The following IFT52 variants were observed in gnomAD, a reference collection of about 807,000 sequenced individuals.
The protein encoded by IFT52 is intraflagellar transport protein 52 homolog.
In IFT52, 44 loss-of-function variants were observed where a neutral mutation model predicts 54.4. The observed-to-expected ratio is 0.81, with a 90% CI of 0.63 to 1.04. The LOEUF is 1.04. IFT52 is among the 50% of genes least tolerant of loss of function. IFT52 has a pLI of 0.00. For synonymous variants in IFT52, 181 were observed against 185.3 expected, an observed-to-expected ratio of 0.98 and a Z score of 0.19; for missense variants, 452 against 523.6, an observed-to-expected ratio of 0.86 and a Z score of 1.33.
chr20:43,623,774 T>C lies in IFT52; in HGVS notation c.769-117T>C. On this transcript the variant is annotated intron_variant, in intron 9 of 13. Coordinates refer to ENST00000373030, the MANE Select transcript of IFT52 (RefSeq NM_016004.5). ...GTTTAGTGTCAGTGATCATGAACAG[T>C]AAAATTTCTTGGCAAGAGAATATAA... The C allele has an allele frequency of 2.5e-6, 3 of 1,184,646 alleles. No homozygotes were observed. In the South Asian group the frequency reaches 4.5e-5, roughly 18 times the overall value. 73.4% of individuals were successfully genotyped at this position (1,184,646 alleles called of 1,614,324 possible). A position where few individuals can be genotyped will look rare whatever the true frequency, so the allele number is the denominator to read the frequency against.
chr20:43,613,808 C>T (rs761369330), intron 6 of IFT52, 42 bp from the exon 7 acceptor site: 61 of 1,578,338 alleles, frequency 3.9e-5, no homozygotes, highest in Non-Finnish European at 5.2e-5. Flanking sequence ...TTTTTGTATT[C>T]ATGTTTTTAA....
chr20:43,623,518 A>G (rs1036714628), intron 9 of IFT52, among the ~76,000 whole-genome samples: 3 of 152,180 alleles, frequency 2.0e-5, no homozygotes, highest in Admixed American at 2.0e-4. Context: ...ACAAAAGGGA[A>G]TTATTGTCTA....
chr20:43,602,751 C>G (rs1159316026), intron 3 of IFT52, among the ~76,000 whole-genome samples: 1 of 152,114 alleles, frequency 6.6e-6, no homozygotes, highest in Admixed American at 6.6e-5. Flanking sequence ...CTCAAGTGAT[C>G]CGCCTACCTT....
rs762328621 is a variant in IFT52 at position 43,596,390 on chromosome 20, T to C, written c.120-45T>C. ...GAGACTAAAATAATACATAAATTGG[T>C]TTAAATTATGGACTTCATATTTGCT... On this transcript the variant is annotated intron_variant, in intron 2 of 13. Coordinates refer to ENST00000373030, the MANE Select transcript of IFT52 (RefSeq NM_016004.5). The C allele has an allele frequency of 4.7e-6, 6 of 1,265,832 alleles. No individual in the cohort carries two copies. In the African/African-American group the frequency reaches 7.4e-5, roughly 16 times the overall value. The allele number at this position is 1,265,832 out of a possible 1,614,324, so 78.4% of individuals were successfully genotyped here. A position where few individuals can be genotyped will look rare whatever the true frequency, so the allele number is the denominator to read the frequency against.
intron 6 of IFT52, among the ~76,000 whole-genome samples, chr20:43,613,462 A>C (rs1471020777): frequency 6.6e-6 from 1 of 152,230 alleles, no homozygotes; most frequent in African/African-American, 2.4e-5. Context: ...AGCTTAGAAA[A>C]AATTTTTTGT....
At chr20:43,595,584 T>A (rs1356816827) in intron 2 of IFT52, among the ~76,000 whole-genome samples, 1 of 151,230 alleles carries the variant, frequency 6.6e-6, no homozygotes, top group Non-Finnish European at 1.5e-5. Context: ...TGAAATAAAT[T>A]CTTATTAAAA....
intron 1 of IFT52, among the ~76,000 whole-genome samples, chr20:43,593,133 G>T (rs190204601): frequency 6.6e-6 from 1 of 152,086 alleles, no homozygotes; most frequent in East Asian, 1.9e-4. Flanking sequence ...TTTTTAAAAA[G>T]AAAAATTTAA....
chr20:43,598,785 G>C (rs1481485180), intron 3 of IFT52, among the ~76,000 whole-genome samples: 1 of 152,118 alleles, frequency 6.6e-6, no homozygotes, highest in Non-Finnish European at 1.5e-5. Flanking sequence ...TTTTTTCACA[G>C]TCAATAAAAC....
chr20:43,592,424 G>A (rs933088065), intron 1 of IFT52, among the ~76,000 whole-genome samples: 2 of 151,922 alleles, frequency 1.3e-5, no homozygotes, highest in South Asian at 2.1e-4. Flanking sequence ...ATTACATCAC[G>A]AATTAGCCGG....
chr20:43,596,453 A>G lies in IFT52; in HGVS notation c.138A>G (p.Thr46=), dbSNP rs996990832. 1.2e-6 allele frequency: 2 copies of G among 1,601,292 alleles called. No individual in the cohort carries two copies. The highest frequency in any genetic ancestry group is 1.7e-6 in the Non-Finnish European group (2 of 1,171,780). Residue 46 remains threonine (T), a synonymous_variant, in exon 3 of 14, where the codon ACA becomes ACG. Transcript: ENST00000373030. ...WKIQSLKDEI[T]SEKLNGVKLW... is the part of the protein sequence containing the mutation. Reference sequence around the variant, plus strand: ...TTTCCAGCTTAAAAGATGAAATCACATCTGAGAAGTTAAATGGAGTGAAAC... The same window carrying G: ...TTTCCAGCTTAAAAGATGAAATCACGTCTGAGAAGTTAAATGGAGTGAAAC...
At chr20:43,622,824 AT>A (rs1345052478) in intron 9 of IFT52, among the ~76,000 whole-genome samples, 4 of 149,296 alleles carry the variant, frequency 2.7e-5, no homozygotes, top group African/African-American at 7.3e-5. Context: ...ATATATACAT[AT>A]TTTTATGTGT....
intron 1 of IFT52, among the ~76,000 whole-genome samples, chr20:43,592,523 G>A (rs1406524092): frequency 2.0e-5 from 3 of 151,152 alleles, no homozygotes; most frequent in Non-Finnish European, 4.4e-5. Flanking sequence ...GTGGTGAGCC[G>A]AGATCGTGCC....
intron 13 of IFT52, among the ~76,000 whole-genome samples, chr20:43,642,830 G>A (rs868502397): frequency 1.3e-5 from 2 of 152,310 alleles, no homozygotes; most frequent in Middle Eastern, 3.4e-3. Context: ...GTAAACATAA[G>A]TGAGTCACAT....
chr20:43,591,192 G>C (rs574678918), intron 1 of IFT52, 138 bp downstream of exon 1: 3 of 152,422 alleles, frequency 2.0e-5, no homozygotes, highest in Admixed American at 1.3e-4. Context: ...TAAACTGTGG[G>C]CGCGGACGTA....
intron 10 of IFT52, among the ~76,000 whole-genome samples, chr20:43,631,951 G>A (rs1432317734): frequency 6.9e-6 from 1 of 145,826 alleles, no homozygotes; most frequent in South Asian, 2.1e-4. Context: ...TTAAGACAGA[G>A]TTTCGCTCTT....
chr20:43,625,830 G>A (rs562537756), intron 10 of IFT52, among the ~76,000 whole-genome samples: 1 of 152,060 alleles, frequency 6.6e-6, no homozygotes, highest in South Asian at 2.1e-4. Context: ...CTGAGCAGAG[G>A]TATGGCATAA....
At chr20:43,606,780 TG>T (rs1044647822) in intron 6 of IFT52, among the ~76,000 whole-genome samples, 3 of 152,134 alleles carry the variant, frequency 2.0e-5, no homozygotes, top group African/African-American at 7.2e-5. Context: ...TAGGGAGTGG[TG>T]ATGACTCTTA....
Position 43,599,031 on chromosome 20 carries a change from G to T in IFT52, c.207+2509G>T, listed in dbSNP as rs374700528. 3.3e-5 allele frequency among the ~76,000 whole-genome samples: 5 copies of T among 152,298 alleles called. 1 individual carries two copies. The South Asian group carries it at 1.0e-3, about 32-fold the overall frequency. ...TTTGATTGCAAAGTGACCTTCCCCC[G>T]CTGGGAATGGCATGGAGAGGGACAT... On this transcript the variant is annotated intron_variant, in intron 3 of 13. Transcript: ENST00000373030.
chr20:43,601,280 A>C (rs73907862), intron 3 of IFT52, among the ~76,000 whole-genome samples: 1,692 of 152,248 alleles, frequency 0.011, 25 homozygotes, highest in African/African-American at 0.031. Context: ...TCCAGTCTCG[A>C]TTACAGGAAA....
Sources: allele counts gnomAD v4.1 joint callset (sites outside exome capture counted in the v4.1 genomes callset), GRCh38; gene constraint gnomAD v4.1.1; transcripts MANE v1.5; gene names NCBI Gene and HGNC (gene_info 2026-07-23, HGNC 2026-07-21).